The following IL1RAPL1 variants were observed in gnomAD, a reference collection of about 807,000 sequenced individuals.
The protein encoded by IL1RAPL1 is interleukin 1 receptor accessory protein like 1, also known as interleukin-1 receptor accessory protein-like 1.
A neutral mutation model predicts 48.4 loss-of-function variants in IL1RAPL1; 3 were observed. The ratio of observed to expected loss-of-function variants is 0.06; its 90% CI spans 0.03 to 0.16. The LOEUF (loss-of-function observed/expected upper bound fraction) is 0.16. Ranked by LOEUF, IL1RAPL1 falls within the 10% of genes least tolerant of loss-of-function variation. IL1RAPL1 has a pLI of 1.00. For synonymous variants in IL1RAPL1, 185 were observed against 187.7 expected, an observed-to-expected ratio of 0.99 and a Z score of 0.12; for missense variants, 349 against 530.6, an observed-to-expected ratio of 0.66 and a Z score of 3.36.
chrX:29,342,155 T>TG (rs1491351556), intron 3 of IL1RAPL1, among the ~76,000 whole-genome samples: 72 of 77,448 alleles, frequency 9.3e-4, no homozygotes, highest in Admixed American at 2.8e-3. Context: ...TGTGTGTGTG[T>TG]TTGTTTTGTT....
rs1002683057 is a variant in IL1RAPL1, at chrX:28,628,893, C to T, written c.-25+40846C>T. The stretch of plus-strand genomic sequence containing the variant: ...AAGTTGCAGTTTAGCCTTGCATTAT[C>T]TCATCTAAAACATTTTAGCTTTTCT... On this transcript the variant is annotated intron_variant, in intron 1 of 10. Transcript: ENST00000378993. Among the ~76,000 whole-genome samples, 4 of 112,177 alleles carry T rather than the reference C, an allele frequency of 3.6e-5. No homozygotes were observed. The East Asian group carries it at 8.4e-4, about 23-fold the overall frequency.
chrX:29,463,760 A>C (rs756910423), intron 5 of IL1RAPL1, among the ~76,000 whole-genome samples: 1 of 111,893 alleles, frequency 8.9e-6, no homozygotes, highest in Non-Finnish European at 1.9e-5. Flanking sequence ...ATGTGATGTT[A>C]TGTAACTTCC....
chrX:29,078,145 G>A lies in IL1RAPL1; in HGVS notation c.83-204793G>A, dbSNP rs148551467. ...AAATTAGCCCAGTGTGGTAGCGCACGCCTGTAATCCCAGCTACTCGGGAAG... is the reference window on the plus strand; with the variant it reads ...AAATTAGCCCAGTGTGGTAGCGCACACCTGTAATCCCAGCTACTCGGGAAG... On this transcript the variant is annotated intron_variant, in intron 2 of 10. Coordinates refer to ENST00000378993, the MANE Select transcript of IL1RAPL1 (RefSeq NM_014271.4). Among the ~76,000 whole-genome samples the A allele has an allele frequency of 2.9e-3, 327 of 111,374 alleles. 1 individual carries two copies. The highest frequency in any genetic ancestry group is 0.014 in the Middle Eastern group (3 of 216).
chrX:29,039,141 A>G (rs1926789404), intron 2 of IL1RAPL1, among the ~76,000 whole-genome samples: 1 of 111,319 alleles, frequency 9.0e-6, no homozygotes, highest in Non-Finnish European at 1.9e-5. Context: ...TTGTAATTGC[A>G]TAATTACATT....
At chrX:29,663,935 C>T (rs970255084) in intron 5 of IL1RAPL1, among the ~76,000 whole-genome samples, 7 of 112,256 alleles carry the variant, frequency 6.2e-5, no homozygotes, top group African/African-American at 2.3e-4. Flanking sequence ...TAAATCCTCA[C>T]GACAATTCAT....
chrX:29,078,005 C>CGGTG (rs1927718045), intron 2 of IL1RAPL1, among the ~76,000 whole-genome samples: 1 of 112,072 alleles, frequency 8.9e-6, no homozygotes, highest in Admixed American at 9.4e-5. Context: ...CGGCCCAGCA[C>CGGTG]GGTGGCTCGT....
chrX:29,918,444 G>A (rs1932820931), intron 7 of IL1RAPL1, among the ~76,000 whole-genome samples: 1 of 97,724 alleles, frequency 1.0e-5, no homozygotes, highest in African/African-American at 3.8e-5. Context: ...GGTGGAGGTT[G>A]CAGTGAGCCG....
intron 3 of IL1RAPL1, among the ~76,000 whole-genome samples, chrX:29,288,054 T>C (rs966867650): frequency 4.5e-5 from 5 of 112,323 alleles, no homozygotes; most frequent in Admixed American, 9.4e-5. Context: ...TTCAGTTGCT[T>C]TACATTTTAC....
At chrX:29,010,831 G>A (rs1448832737) in intron 2 of IL1RAPL1, among the ~76,000 whole-genome samples, 1 of 111,208 alleles carries the variant, frequency 9.0e-6, no homozygotes, top group Admixed American at 9.6e-5. Flanking sequence ...TGTCTCCTCA[G>A]CTTCTTCACC....
chrX:29,026,612 A>G (rs771177629), intron 2 of IL1RAPL1, among the ~76,000 whole-genome samples: 24 of 112,204 alleles, frequency 2.1e-4, no homozygotes, highest in Non-Finnish European at 4.1e-4. Context: ...TGTAGTTATT[A>G]TAGCATAAAT....
intron 2 of IL1RAPL1, among the ~76,000 whole-genome samples, chrX:29,027,434 G>A (rs955941039): frequency 4.5e-5 from 5 of 111,396 alleles, no homozygotes; most frequent in African/African-American, 3.3e-5. Context: ...TTATTCATTC[G>A]TCTATGGAAG....
rs151154561 is a variant in IL1RAPL1 at position 29,346,668 on chromosome X, G to T, written c.363-49590G>T. 3.2e-3 allele frequency among the ~76,000 whole-genome samples: 354 copies of T among 112,235 alleles called. 1 individual carries two copies. Among genetic ancestry groups the T allele is most frequent in the African/African-American group, 8.5e-3 (262 of 30,931 alleles). ...AATAAAACCCAAAAATAATTTCCAC[G>T]AGGAAAGGAGTTTCAAGCAGATAAT... On this transcript the variant is annotated intron_variant, in intron 3 of 10. Transcript: ENST00000378993.
intron 6 of IL1RAPL1, among the ~76,000 whole-genome samples, chrX:29,693,734 G>A (rs762717599): frequency 1.6e-4 from 18 of 111,668 alleles, no homozygotes; most frequent in Admixed American, 2.8e-4. Flanking sequence ...ATTAGCCCAC[G>A]GATAATTGCA....
intron 1 of IL1RAPL1, among the ~76,000 whole-genome samples, chrX:28,733,385 GC>G (rs1935780280): frequency 1.8e-5 from 2 of 110,185 alleles, no homozygotes; most frequent in Non-Finnish European, 1.9e-5. Context: ...AGTTGCCTGT[GC>G]TTGCTCTCTT....
chrX:29,586,818 T>A (rs1341427112), intron 5 of IL1RAPL1, among the ~76,000 whole-genome samples: 1 of 111,672 alleles, frequency 9.0e-6, no homozygotes, highest in Non-Finnish European at 1.9e-5. Context: ...TTTTATTAAT[T>A]TCTTCTTTAG....
At chrX:29,397,533 A>G (rs1933933302) in intron 4 of IL1RAPL1, among the ~76,000 whole-genome samples, 1 of 111,579 alleles carries the variant, frequency 9.0e-6, no homozygotes. Context: ...GACCATGTTA[A>G]ATGGAGCTCA....
intron 6 of IL1RAPL1, among the ~76,000 whole-genome samples, chrX:29,744,521 A>G (rs974263312): frequency 1.8e-5 from 2 of 112,079 alleles, no homozygotes; most frequent in Admixed American, 1.9e-4. Context: ...ATATTCCTTG[A>G]TTCATATTTA....
intron 6 of IL1RAPL1, among the ~76,000 whole-genome samples, chrX:29,758,704 AAAAAT>A (rs1226388789): frequency 2.8e-5 from 3 of 106,061 alleles, no homozygotes; most frequent in Non-Finnish European, 5.8e-5. Flanking sequence ...TCAAAAAAAA[AAAAAT>A]AATAATAATA....
intron 2 of IL1RAPL1, among the ~76,000 whole-genome samples, chrX:28,936,538 T>G (rs1443227221): frequency 9.1e-6 from 1 of 110,187 alleles, no homozygotes; most frequent in African/African-American, 3.3e-5. Flanking sequence ...TGTACTGTAA[T>G]GATATAATAA....
Sources: gnomAD v4.1 joint callset for allele counts (sites outside exome capture counted in the v4.1 genomes callset) on GRCh38, gnomAD v4.1.1 for gene constraint, MANE v1.5 for transcripts, NCBI Gene and HGNC (gene_info 2026-07-23, HGNC 2026-07-21) for gene names.